Variants in TMEFF2 observed in about 807,000 individuals in gnomAD.
The protein encoded by TMEFF2 is tomoregulin-2.
A neutral mutation model predicts 53.8 loss-of-function variants in TMEFF2; 28 were observed. The observed-to-expected ratio is 0.52, with a 90% CI of 0.39 to 0.71. The LOEUF (loss-of-function observed/expected upper bound fraction) is 0.71, where lower values mean the gene tolerates loss of function less well. Among genes scored for constraint, TMEFF2 ranks in the 30% least tolerant of loss-of-function variants. The pLI is 0.00. For missense variants in TMEFF2, 353 were observed against 455.2 expected (o/e 0.78, Z 2.04); for synonymous variants, 162 against 166.3 (o/e 0.97, Z 0.20).
chr2:192,049,804 A>G (rs1217557376), intron 5 of TMEFF2, among the ~76,000 whole-genome samples: 1 of 152,174 alleles, frequency 6.6e-6, no homozygotes, highest in Non-Finnish European at 1.5e-5. Context: ...GATTGAGACC[A>G]TCCTGGCTAA....
chr2:191,972,276 C>G (rs1692667746), intron 7 of TMEFF2, among the ~76,000 whole-genome samples: 1 of 140,480 alleles, frequency 7.1e-6, no homozygotes, highest in South Asian at 2.3e-4. Flanking sequence ...TCCCGAATAG[C>G]TGGGATTACA....
chr2:192,142,421 T>TA (rs1298825035), intron 4 of TMEFF2, among the ~76,000 whole-genome samples: 1 of 152,132 alleles, frequency 6.6e-6, no homozygotes. Flanking sequence ...TTAATCTTTA[T>TA]AAAAAAGTTA....
At chr2:192,184,607 G>T in intron 2 of TMEFF2, 124 bp from the exon 3 acceptor site, 1 of 1,223,552 alleles carries the variant, frequency 8.2e-7, no homozygotes, top group Non-Finnish European at 1.1e-6. Context: ...TTCTAATTGT[G>T]TCCAATAAGT....
intron 8 of TMEFF2, among the ~76,000 whole-genome samples, chr2:191,954,099 G>C (rs1325886974): frequency 6.6e-6 from 1 of 151,950 alleles, no homozygotes; most frequent in Non-Finnish European, 1.5e-5. Context: ...CTGTTAGCCA[G>C]GATGGTCTCG....
intron 4 of TMEFF2, among the ~76,000 whole-genome samples, chr2:192,061,330 G>T (rs2105906830): frequency 6.6e-6 from 1 of 151,930 alleles, no homozygotes; most frequent in African/African-American, 2.4e-5. Context: ...CACAAATTCA[G>T]CCAATCTTGA....
intron 7 of TMEFF2, among the ~76,000 whole-genome samples, chr2:191,973,931 T>C (rs940547822): frequency 5.3e-5 from 8 of 152,304 alleles, no homozygotes; most frequent in Admixed American, 3.9e-4. Context: ...TCCACCATGA[T>C]TGTAAGTTTC....
At chr2:192,111,952 G>A (rs1017954962) in intron 4 of TMEFF2, among the ~76,000 whole-genome samples, 1 of 152,218 alleles carries the variant, frequency 6.6e-6, no homozygotes, top group African/African-American at 2.4e-5. Context: ...CAAGAATTGA[G>A]GTTTGAGAAC....
intron 4 of TMEFF2, among the ~76,000 whole-genome samples, chr2:192,154,527 A>G (rs1210639353): frequency 1.3e-5 from 2 of 152,136 alleles, no homozygotes; most frequent in East Asian, 1.9e-4. Flanking sequence ...TGTGTCTCCA[A>G]TAAGGACCAC....
intron 7 of TMEFF2, among the ~76,000 whole-genome samples, chr2:191,976,673 G>GCAAA (rs1323594488): frequency 1.5e-4 from 23 of 152,306 alleles, no homozygotes; most frequent in African/African-American, 5.3e-4. Flanking sequence ...AGTCTGAAAA[G>GCAAA]CAAACAGGCA....
intron 5 of TMEFF2, among the ~76,000 whole-genome samples, chr2:192,056,587 G>A (rs1185950895): frequency 2.6e-5 from 4 of 152,096 alleles, no homozygotes; most frequent in African/African-American, 9.7e-5. Context: ...AAAATAATAA[G>A]TATTATTCAT....
intron 4 of TMEFF2, chr2:192,179,189 T>C (rs1691124532): frequency 1.3e-5 from 2 of 152,064 alleles, no homozygotes; most frequent in Admixed American, 1.3e-4. Flanking sequence ...TTTTCACTTT[T>C]ATGAACTAAA....
intron 4 of TMEFF2, among the ~76,000 whole-genome samples, chr2:192,095,351 T>C (rs1238287838): frequency 6.6e-6 from 1 of 152,078 alleles, no homozygotes; most frequent in Admixed American, 6.6e-5. Flanking sequence ...ATTATACAGT[T>C]ATGTTGGCTC....
chr2:192,047,533 T>G (rs943835757), intron 5 of TMEFF2, among the ~76,000 whole-genome samples: 2 of 152,206 alleles, frequency 1.3e-5, no homozygotes, highest in Non-Finnish European at 2.9e-5. Flanking sequence ...TAAACAATCT[T>G]CAGAAGATCA....
At chr2:191,964,508 G>T (rs1157733993) in intron 7 of TMEFF2, among the ~76,000 whole-genome samples, 1 of 149,836 alleles carries the variant, frequency 6.7e-6, no homozygotes, top group Non-Finnish European at 1.5e-5. Context: ...ATCCTCAAGG[G>T]CTCTCCGTCA....
In TMEFF2 at chr2:191,975,503, T is replaced by C. The variant is rs74720177; in HGVS notation, c.746-19125A>G. On this transcript the variant is annotated intron_variant, in intron 7 of 9. Coordinates refer to ENST00000272771, the MANE Select transcript of TMEFF2 (RefSeq NM_016192.4). ...AGTTTCTCCAGTTCTCAAATGTTAC[T>C]GAGTGTATTTCCATGTCCCAGGAGC... Among the ~76,000 whole-genome samples the C allele has an allele frequency of 9.1e-4, 138 of 151,806 alleles. No homozygotes were observed. The East Asian group carries it at 0.026, about 29-fold the overall frequency.
chr2:192,092,070 TC>T (rs1559122527), intron 4 of TMEFF2, among the ~76,000 whole-genome samples: 1 of 152,138 alleles, frequency 6.6e-6, no homozygotes, highest in African/African-American at 2.4e-5. Flanking sequence ...AACAGCTCTT[TC>T]CCTCAATAAA....
At chr2:191,990,416 A>AGTGTGTGTGTGT (rs55848067) in intron 7 of TMEFF2, among the ~76,000 whole-genome samples, 8,051 of 146,734 alleles carry the variant, frequency 0.055, 222 homozygotes, top group South Asian at 0.064. Context: ...TGCTCAGAAT[A>AGTGTGTGTGTGT]GTGTGTGTGT....
intron 4 of TMEFF2, among the ~76,000 whole-genome samples, chr2:192,118,844 A>G (rs1172450567): frequency 3.3e-5 from 5 of 152,132 alleles, no homozygotes; most frequent in African/African-American, 1.2e-4. Flanking sequence ...TTCTGATGCC[A>G]ATTTCAGAAA....
intron 7 of TMEFF2, among the ~76,000 whole-genome samples, chr2:191,964,335 T>TCCTTC (rs1489759105): frequency 7.4e-5 from 2 of 26,976 alleles, no homozygotes; most frequent in African/African-American, 2.7e-4. Flanking sequence ...TTTCTTTCCT[T>TCCTTC]CTTTCTTTCT....
Sources: gnomAD v4.1 joint callset for allele counts (sites outside exome capture counted in the v4.1 genomes callset) on GRCh38, gnomAD v4.1.1 for gene constraint, MANE v1.5 for transcripts, NCBI Gene and HGNC (gene_info 2026-07-23, HGNC 2026-07-21) for gene names.